PTK7: variants seen among roughly 807,000 people sequenced by gnomAD.
PTK7 encodes protein tyrosine kinase 7 (inactive).
Under a neutral mutation model 116.6 loss-of-function variants are expected in PTK7, and 39 were observed. The ratio of observed to expected loss-of-function variants is 0.33; its 90% confidence interval spans 0.26 to 0.44. The LOEUF (loss-of-function observed/expected upper bound fraction) is 0.44. Ranked by LOEUF, PTK7 falls within the 20% of genes least tolerant of loss-of-function variation. The pLI, the probability that PTK7 is intolerant of heterozygous loss-of-function variation, is 1.00. For synonymous variants in PTK7, 546 were observed against 563.6 expected (o/e 0.97, Z 0.44); for missense variants, 1,169 against 1,425.6 (o/e 0.82, Z 2.90).
At chr6:43,101,003 C>T (rs957589979) in intron 1 of PTK7, among the ~76,000 whole-genome samples, 2 of 151,576 alleles carry the variant, frequency 1.3e-5, no homozygotes, top group Non-Finnish European at 2.9e-5. Flanking sequence ...GAGGCCGAGG[C>T]GGGCAGATCA....
intron 1 of PTK7, among the ~76,000 whole-genome samples, chr6:43,111,545 G>C (rs555803763): frequency 2.6e-5 from 4 of 152,192 alleles, no homozygotes; most frequent in Non-Finnish European, 5.9e-5. Context: ...TAATGGCTAA[G>C]AGTCCAAACT....
intron 1 of PTK7, among the ~76,000 whole-genome samples, chr6:43,128,447 C>A (rs1769430100): frequency 6.6e-6 from 1 of 152,204 alleles, no homozygotes; most frequent in African/African-American, 2.4e-5. Context: ...TGAGGAGAGG[C>A]TACTGTGTCT....
chr6:43,105,030 C>T (rs1767794318), intron 1 of PTK7, among the ~76,000 whole-genome samples: 1 of 151,026 alleles, frequency 6.6e-6, no homozygotes, highest in African/African-American at 2.4e-5. Context: ...CCAGGATGGT[C>T]TCGATCGCCT....
intron 1 of PTK7, among the ~76,000 whole-genome samples, chr6:43,122,252 G>A (rs1259315271): frequency 6.6e-6 from 1 of 152,228 alleles, no homozygotes; most frequent in African/African-American, 2.4e-5. Flanking sequence ...AGTGCACTGG[G>A]CCCTGGGGGA....
chr6:43,107,979 C>T (rs76250624), intron 1 of PTK7, among the ~76,000 whole-genome samples: 391 of 151,790 alleles, frequency 2.6e-3, no homozygotes, highest in East Asian at 0.021. Context: ...CAGTTATTTA[C>T]GGGAGTAATA....
chr6:43,129,226 A>T lies in PTK7; in HGVS notation c.329A>T (p.Glu110Val), dbSNP rs145839533. ...QCVARDDVTG[E>V]EARSANASFN... The stretch of plus-strand genomic sequence containing the variant: ...GTGGCTCGGGATGATGTCACTGGAG[A>T]AGAAGCCCGCAGTGCCAACGCCTCC... The change falls in exon 2 of 20, where the codon GAA (glutamate) becomes GTA (valine). Residue 110 changes from glutamate (E) to valine (V), a missense_variant. This residue lies in a region of PTK7 where 487 missense variants were observed against 549.8 expected (regional missense o/e 0.89). Coordinates refer to ENST00000230419, the MANE Select transcript of PTK7 (RefSeq NM_002821.5). This position sits in a 1 kb window ranked among gnomAD's most constrained non-coding sequence, Gnocchi z 4.5. 6 of 1,613,892 alleles carry T rather than the reference A, an allele frequency of 3.7e-6. No homozygotes were observed. In the African/African-American group the frequency reaches 8.0e-5, roughly 22 times the overall value.
chr6:43,143,620 G>C lies in PTK7; in HGVS notation c.2251G>C (p.Gly751Arg). ...GEEPEMECLN[G>R]GPLQNGQPSA... ...GGAGCCAGAGATGGAATGCCTCAAC[G>C]GTGAGGGGCCCTGGACGGGGAGGTG... Residue 751 changes from glycine (G) to arginine (R), a missense_variant and splice_region_variant, in exon 14 of 20, where the codon GGT becomes CGT. Transcript: ENST00000230419. The surrounding 1 kb of genome is among the most constrained non-coding windows in gnomAD (Gnocchi z 4.2). 6.2e-7 allele frequency: 1 copy of C among 1,611,062 alleles called. No homozygotes were observed. Among genetic ancestry groups the C allele is most frequent in the Non-Finnish European group, 8.5e-7 (1 of 1,179,710 alleles).
intron 1 of PTK7, among the ~76,000 whole-genome samples, chr6:43,087,267 G>C (rs1288128840): frequency 6.6e-6 from 1 of 152,238 alleles, no homozygotes; most frequent in Admixed American, 6.5e-5. Flanking sequence ...GGATTTTGCT[G>C]TCTTGCAGAT....
chr6:43,101,833 C>T (rs1191887270), intron 1 of PTK7, among the ~76,000 whole-genome samples: 8 of 152,140 alleles, frequency 5.3e-5, no homozygotes, highest in Non-Finnish European at 1.2e-4. Flanking sequence ...GGTAATGTGC[C>T]ATAAACAAGT....
intron 5 of PTK7, 22 bp downstream of exon 5, chr6:43,130,683 A>AT (rs758720674): frequency 6.2e-6 from 10 of 1,613,486 alleles, no homozygotes; most frequent in Admixed American, 1.7e-5. Context: ...GGCTGGGAGC[A>AT]TTCCAGTACC....
chr6:43,147,635 G>C (rs1770800061), intron 17 of PTK7, among the ~76,000 whole-genome samples: 1 of 152,226 alleles, frequency 6.6e-6, no homozygotes, highest in South Asian at 2.1e-4. Context: ...GAGCAGAAAG[G>C]CATGGCTGGC....
At chr6:43,152,554 ATCAT>A (rs1317634463) in intron 17 of PTK7, among the ~76,000 whole-genome samples, 1 of 152,192 alleles carries the variant, frequency 6.6e-6, no homozygotes, top group Non-Finnish European at 1.5e-5. Context: ...CTCTAATTAC[ATCAT>A]TCATTTAGCA....
chr6:43,136,420 T>G (rs939473241), intron 7 of PTK7, among the ~76,000 whole-genome samples: 1 of 151,796 alleles, frequency 6.6e-6, no homozygotes, highest in Admixed American at 6.6e-5. Context: ...CAGGTTCAGG[T>G]GGGCCCGCTC....
intron 14 of PTK7, 31 bp from the exon 15 acceptor site, chr6:43,144,420 A>T (rs1582195312): frequency 6.2e-7 from 1 of 1,613,620 alleles, no homozygotes; most frequent in Non-Finnish European, 8.5e-7. Flanking sequence ...GTCAGGTCTC[A>T]TCGTGACGCT....
rs760980530 is a variant in PTK7, at chr6:43,141,866, A to C, written c.1768+49A>C. ...GGCTGGGAGGGCCCTCTGGGGTAGC[A>C]CCGTGTACCCTGCCAGCCCCTTGGC... On this transcript the variant is annotated intron_variant, in intron 11 of 19. Coordinates refer to ENST00000230419, the MANE Select transcript of PTK7 (RefSeq NM_002821.5). The surrounding 1 kb of genome is among the most constrained non-coding windows in gnomAD (Gnocchi z 4.9). 6.2e-7 allele frequency: 1 copy of C among 1,601,572 alleles called. No individual in the cohort carries two copies. Among genetic ancestry groups the C allele is most frequent in the Non-Finnish European group, 8.5e-7 (1 of 1,172,344 alleles).
chr6:43,094,487 A>G (rs1185157029), intron 1 of PTK7, among the ~76,000 whole-genome samples: 1 of 148,194 alleles, frequency 6.7e-6, no homozygotes, highest in African/African-American at 2.5e-5. Flanking sequence ...TTTTTTTGAG[A>G]CGGAGTCCGT....
intron 1 of PTK7, among the ~76,000 whole-genome samples, chr6:43,091,088 T>C (rs1257301065): frequency 2.0e-5 from 3 of 152,140 alleles, no homozygotes; most frequent in Non-Finnish European, 4.4e-5. Context: ...GGAACTGACT[T>C]CTGGCTCCAC....
Position 43,076,971 on chromosome 6 carries a change from G to T in PTK7, c.79+404G>T. The T allele has an allele frequency of 6.6e-7, 1 of 1,507,266 alleles. No homozygotes were observed. 93.4% of individuals were successfully genotyped at this position (1,507,266 alleles called of 1,614,324 possible). A position where few individuals can be genotyped will look rare whatever the true frequency, so the allele number is the denominator to read the frequency against. ...GAAAAAGGAATTCCCCACCCCACCC[G>T]GCAGGGTCGGCCCAGGTAAGAGTTG... On this transcript the variant is annotated intron_variant, in intron 1 of 19. Transcript: ENST00000230419. The surrounding 1 kb of genome is among the most constrained non-coding windows in gnomAD (Gnocchi z 5.7).
At chr6:43,101,075 A>G (rs552756753) in intron 1 of PTK7, among the ~76,000 whole-genome samples, 3 of 152,120 alleles carry the variant, frequency 2.0e-5, no homozygotes, top group East Asian at 3.9e-4. Flanking sequence ...TCTACTAAAA[A>G]TACAAAATTA....
Sources: allele counts gnomAD v4.1 joint callset (sites outside exome capture counted in the v4.1 genomes callset), GRCh38; gene constraint gnomAD v4.1.1; regional missense constraint gnomAD v4.1.1; non-coding constraint Gnocchi (gnomAD v3.1); transcripts MANE v1.5; gene names NCBI Gene and HGNC (gene_info 2026-07-23, HGNC 2026-07-21).